GRIP1: variants seen among roughly 807,000 people sequenced by gnomAD.
The protein encoded by GRIP1 is glutamate receptor-interacting protein 1.
A neutral mutation model predicts 129.9 loss-of-function variants in GRIP1; 45 were observed. That is an observed-to-expected ratio of 0.35 (90% CI 0.27 to 0.44). The LOEUF (loss-of-function observed/expected upper bound fraction) is 0.44, where lower values mean the gene tolerates loss of function less well. Ranked by LOEUF, GRIP1 falls within the 20% of genes least tolerant of loss-of-function variation. The pLI, the probability that GRIP1 is intolerant of heterozygous loss-of-function variation, is 1.00. For synonymous variants in GRIP1, 530 were observed against 520.8 expected (o/e 1.02, Z -0.24); for missense variants, 1,196 against 1,396.8 (o/e 0.86, Z 2.29).
chr12:66,720,360 G>A (rs1343061222), intron 1 of GRIP1, among the ~76,000 whole-genome samples: 2 of 152,134 alleles, frequency 1.3e-5, no homozygotes, highest in African/African-American at 4.8e-5. Context: ...GCTGATATAG[G>A]GTCTTGCCTT....
At chr12:66,421,281 T>C (rs1466405009) in intron 14 of GRIP1, among the ~76,000 whole-genome samples, 1 of 152,154 alleles carries the variant, frequency 6.6e-6, no homozygotes, top group East Asian at 1.9e-4. Context: ...CAGTGGCTCA[T>C]GCCTGTAATC....
intron 1 of GRIP1, among the ~76,000 whole-genome samples, chr12:67,067,189 T>C (rs2043644902): frequency 6.6e-6 from 1 of 152,150 alleles, no homozygotes; most frequent in Non-Finnish European, 1.5e-5. Context: ...CAGATTTTTA[T>C]GCTCTGGAGG....
intron 1 of GRIP1, among the ~76,000 whole-genome samples, chr12:66,629,016 G>A (rs2030430139): frequency 6.6e-6 from 1 of 152,146 alleles, no homozygotes; most frequent in Non-Finnish European, 1.5e-5. Context: ...ATCATTAAAG[G>A]AATGTTAAAT....
chr12:66,401,131 C>T (rs1018654878), intron 16 of GRIP1, among the ~76,000 whole-genome samples: 10 of 152,082 alleles, frequency 6.6e-5, no homozygotes, highest in Admixed American at 6.5e-5. Flanking sequence ...GGGAGGAAAA[C>T]GCCTACAACC....
chr12:66,610,341 T>A (rs1022905319), intron 1 of GRIP1, among the ~76,000 whole-genome samples: 3 of 152,098 alleles, frequency 2.0e-5, no homozygotes, highest in Admixed American at 6.6e-5. Flanking sequence ...TTATAAGCAC[T>A]GACAAGAACA....
chr12:66,648,761 C>T (rs763286735), intron 1 of GRIP1, among the ~76,000 whole-genome samples: 2 of 152,194 alleles, frequency 1.3e-5, no homozygotes, highest in Non-Finnish European at 2.9e-5. Flanking sequence ...TAACACCAGA[C>T]TGTCCAGTAT....
intron 2 of GRIP1, chr12:66,568,636 T>G (rs1274287992): frequency 1.5e-5 from 3 of 195,516 alleles, no homozygotes; most frequent in African/African-American, 7.1e-5. Context: ...AAGAATCTAT[T>G]AAGTGCTTTG....
chr12:66,718,011 G>T (rs1470466860), intron 1 of GRIP1, among the ~76,000 whole-genome samples: 1 of 152,074 alleles, frequency 6.6e-6, no homozygotes, highest in Non-Finnish European at 1.5e-5. Flanking sequence ...GCTGTGCAGG[G>T]TCATCACAAC....
chr12:66,603,398 T>A (rs2064368574), intron 1 of GRIP1, among the ~76,000 whole-genome samples: 1 of 152,184 alleles, frequency 6.6e-6, no homozygotes. Context: ...ATTATCTAAC[T>A]CTTGCTTCTC....
At chr12:66,491,156 A>C (rs981501960) in intron 7 of GRIP1, among the ~76,000 whole-genome samples, 3 of 152,206 alleles carry the variant, frequency 2.0e-5, no homozygotes, top group African/African-American at 4.8e-5. Flanking sequence ...TTTAAAATAC[A>C]TGTATGTGTA....
intron 1 of GRIP1, among the ~76,000 whole-genome samples, chr12:66,712,119 C>T (rs987508344): frequency 6.6e-6 from 1 of 151,898 alleles, no homozygotes; most frequent in Non-Finnish European, 1.5e-5. Flanking sequence ...CGTTTCTTAA[C>T]ATTCAATGAA....
At chr12:67,054,657 A>C (rs1002862199) in intron 1 of GRIP1, among the ~76,000 whole-genome samples, 13 of 152,078 alleles carry the variant, frequency 8.5e-5, no homozygotes, top group Non-Finnish European at 1.8e-4. Flanking sequence ...CCAGGTACTC[A>C]AAAGGCTGAG....
At chr12:67,036,324 G>T (rs897796256) in intron 1 of GRIP1, among the ~76,000 whole-genome samples, 8 of 148,580 alleles carry the variant, frequency 5.4e-5, no homozygotes, top group Non-Finnish European at 1.2e-4. Context: ...TAATAATACA[G>T]AATAAGGATG....
At chr12:66,949,390 G>A (rs893043193) in intron 1 of GRIP1, among the ~76,000 whole-genome samples, 10 of 152,282 alleles carry the variant, frequency 6.6e-5, no homozygotes, top group African/African-American at 2.2e-4. Context: ...CAACTAAGCT[G>A]AGAAGTCAAA....
intron 1 of GRIP1, among the ~76,000 whole-genome samples, chr12:66,818,136 A>T (rs1221891592): frequency 2.6e-5 from 4 of 152,208 alleles, no homozygotes; most frequent in African/African-American, 9.6e-5. Context: ...TCTTTCTTAC[A>T]TCTAGAATAT....
chr12:66,747,379 T>A (rs571582809), intron 1 of GRIP1, among the ~76,000 whole-genome samples: 6 of 152,240 alleles, frequency 3.9e-5, no homozygotes, highest in African/African-American at 1.4e-4. Flanking sequence ...GAAAAGAATA[T>A]CTTTCAGCAG....
chr12:66,410,008 T>C (rs2057329880), intron 15 of GRIP1, among the ~76,000 whole-genome samples: 1 of 151,904 alleles, frequency 6.6e-6, no homozygotes, highest in African/African-American at 2.4e-5. Flanking sequence ...CCCAGCACTT[T>C]GGGAGGCCGA....
intron 1 of GRIP1, among the ~76,000 whole-genome samples, chr12:66,888,837 AT>A (rs1248975627): frequency 1.3e-5 from 2 of 152,220 alleles, no homozygotes; most frequent in African/African-American, 4.8e-5. Flanking sequence ...GAAAAGCCAC[AT>A]TTAAATAAAT....
chr12:66,529,698 C>G, intron 5 of GRIP1, 133 bp downstream of exon 5: 2 of 692,970 alleles, frequency 2.9e-6, no homozygotes, highest in Non-Finnish European at 5.2e-6. Flanking sequence ...CTGCTCGGGT[C>G]GTGGGTGCAC....
Sources: gnomAD v4.1 joint callset for allele counts (sites outside exome capture counted in the v4.1 genomes callset) on GRCh38, gnomAD v4.1.1 for gene constraint, MANE v1.5 for transcripts, NCBI Gene and HGNC (gene_info 2026-07-23, HGNC 2026-07-21) for gene names.